Variants in CFAP65 observed in about 807,000 individuals in gnomAD.
The protein encoded by CFAP65 is cilia and flagella associated protein 65.
Under a neutral mutation model 208.0 loss-of-function variants are expected in CFAP65, and 155 were observed. That is an observed-to-expected ratio of 0.75 (90% CI 0.65 to 0.85). The LOEUF (loss-of-function observed/expected upper bound fraction) is 0.85. CFAP65 is among the 40% of genes least tolerant of loss of function. CFAP65 has a pLI of 0.00. For missense variants in CFAP65, 2,294 were observed against 2,451.3 expected, an observed-to-expected ratio of 0.94 and a Z score of 1.36; for synonymous variants, 970 against 986.3, an observed-to-expected ratio of 0.98 and a Z score of 0.31.
Position 219,019,160 on chromosome 2 carries a change from C to T in CFAP65, c.3493G>A (p.Val1165Ile), listed in dbSNP as rs189561241. 431 of 1,613,116 alleles carry T rather than the reference C, an allele frequency of 2.7e-4. 4 individuals are homozygous for T. The East Asian group carries it at 5.6e-3, about 21-fold the overall frequency. Reference sequence around the variant, plus strand: ...AAGTCAAGCCTTAAAGGGGTGAGGACGGGGGGGATCTGGCTCATGCTGTGA... The same window carrying T: ...AAGTCAAGCCTTAAAGGGGTGAGGATGGGGGGGATCTGGCTCATGCTGTGA... ...TRHSMSQIPPVLTPLRLDFNF... is the reference protein window; with the variant it reads ...TRHSMSQIPPILTPLRLDFNF... The change falls in exon 21 of 35, where the codon GTC becomes ATC. Residue 1165 changes from valine (V) to isoleucine (I), a missense_variant. Physicochemically the swap from Val to Ile is conservative, Grantham distance 29 (BLOSUM62 3). This residue lies in a region of CFAP65 where 1,427 missense variants were observed against 1,438.7 expected (regional missense o/e 0.99). Transcript: ENST00000341552.
Position 219,013,284 on chromosome 2 carries a change from A to G in CFAP65, c.3932T>C (p.Ile1311Thr), listed in dbSNP as rs762977056. ...STTHQFIPIP[I>T]GDTLPPRQIY... Reference sequence around the variant, plus strand: ...CTGCCGTGGGGGTAGCGTGTCACCAATGGGAATGGGGATGAACTGGTGGGT... The same window carrying G: ...CTGCCGTGGGGGTAGCGTGTCACCAGTGGGAATGGGGATGAACTGGTGGGT... Residue 1311 changes from isoleucine to threonine, a missense_variant, in exon 24 of 35, where the codon ATT becomes ACT. Physicochemically the swap from Ile to Thr is moderately conservative, Grantham distance 89. Around this residue, in one of 2 missense-constraint regions of CFAP65, gnomAD observed 1,427 missense variants for 1,438.7 expected, o/e 0.99. Coordinates refer to ENST00000341552, the MANE Select transcript of CFAP65 (RefSeq NM_194302.4). 17 of 1,613,638 alleles carry G rather than the reference A, an allele frequency of 1.1e-5. No homozygotes were observed. Among genetic ancestry groups the G allele is most frequent in the Admixed American group, 8.3e-5 (5 of 59,974 alleles).
chr2:219,035,500 T>C lies in CFAP65; in HGVS notation c.522A>G (p.Lys174=). 6.2e-7 allele frequency: 1 copy of C among 1,613,610 alleles called. No individual in the cohort carries two copies. Among genetic ancestry groups the C allele is most frequent in the Non-Finnish European group, 8.5e-7 (1 of 1,179,902 alleles). The part of the protein sequence containing the change: ...RNLVLKNRSL[K]LQKMKYRPPK... ...GGTACCTGTACTTCATCTTCTGGAG[T>C]TTCAAGGATCGATTTTTCAGAACCA... is the stretch of plus-strand genomic sequence containing the variant. Residue 174 remains lysine (K), a synonymous_variant, in exon 5 of 35, where the codon AAA becomes AAG. Coordinates refer to ENST00000341552, the MANE Select transcript of CFAP65 (RefSeq NM_194302.4).
intron 29 of CFAP65, among the ~76,000 whole-genome samples, chr2:219,008,225 C>T (rs971512761): frequency 6.6e-6 from 1 of 152,230 alleles, no homozygotes; most frequent in African/African-American, 2.4e-5. Context: ...GCTTCAACAA[C>T]TAGCACCTCA....
At position 219,006,010 on chromosome 2, in the gene CFAP65, C is replaced by T. The variant is rs2106058234; in HGVS notation, c.4922+11G>A. 1.2e-6 allele frequency: 2 copies of T among 1,612,798 alleles called. No individual in the cohort carries two copies. Among genetic ancestry groups the T allele is most frequent in the South Asian group, 1.1e-5 (1 of 90,984 alleles). On this transcript the variant is annotated intron_variant, in intron 31 of 34. Transcript: ENST00000341552. ...AAGAGGAAGGTGACCCCTGCCTTCC[C>T]AAGAGCTTACCGGTGCAAAAAGTGG...
chr2:219,005,285 C>T lies in CFAP65; in HGVS notation c.5051+149G>A, dbSNP rs1252597789. 6 of 1,106,090 alleles carry T rather than the reference C, an allele frequency of 5.4e-6. No individual in the cohort carries two copies. In the African/African-American group the frequency reaches 7.8e-5, roughly 14 times the overall value. 68.5% of individuals were successfully genotyped at this position (1,106,090 alleles called of 1,614,324 possible). Reference sequence around the variant, plus strand: ...AAGCCACCCGCCCACTGCTGCCTCCCAAAGTGTTGGAATTACAGGCAAGAA... The same window carrying T: ...AAGCCACCCGCCCACTGCTGCCTCCTAAAGTGTTGGAATTACAGGCAAGAA... On this transcript the variant is annotated intron_variant, in intron 32 of 34. Coordinates refer to ENST00000341552, the MANE Select transcript of CFAP65 (RefSeq NM_194302.4).
At chr2:219,015,917 T>G (rs1946848084) in intron 21 of CFAP65, among the ~76,000 whole-genome samples, 1 of 152,190 alleles carries the variant, frequency 6.6e-6, no homozygotes, top group African/African-American at 2.4e-5. Context: ...ATTGATATAA[T>G]GCTGAGTGAA....
intron 9 of CFAP65, 102 bp from the exon 10 acceptor site, chr2:219,030,310 G>A: frequency 2.5e-6 from 3 of 1,213,832 alleles, no homozygotes; most frequent in East Asian, 2.3e-5. Flanking sequence ...CAAGGGGGTG[G>A]GGGCAGCTGG....
rs1947946991 is a variant in CFAP65, at chr2:219,030,565, G to A, written c.1161+124C>T. ...GGACACACCTGTTGACAGCTGACAT[G>A]GGTTACATGAGGCTTGGGGCCAAAG... On this transcript the variant is annotated intron_variant, in intron 9 of 34. Transcript: ENST00000341552. The A allele has an allele frequency of 1.3e-5, 17 of 1,295,266 alleles. No homozygotes were observed. In the South Asian group the frequency reaches 2.1e-4, roughly 16 times the overall value. 80.2% of individuals were successfully genotyped at this position (1,295,266 alleles called of 1,614,324 possible).
chr2:219,031,785 G>C lies in CFAP65; in HGVS notation c.646-127C>G. 2.8e-6 allele frequency: 3 copies of C among 1,070,640 alleles called. No homozygotes were observed. Among genetic ancestry groups the C allele is most frequent in the Non-Finnish European group, 4.0e-6 (3 of 745,210 alleles). 66.3% of individuals were successfully genotyped at this position (1,070,640 alleles called of 1,614,324 possible). On this transcript the variant is annotated intron_variant, in intron 6 of 34. Transcript: ENST00000341552. The surrounding 1 kb of genome is among the most constrained non-coding windows in gnomAD (Gnocchi z 5.2). ...GGGCCAGGCCGTGGCACCCACGTCAGACTCTGAGGGGAGCTGGGCACCTAT... is the reference window on the plus strand; with the variant it reads ...GGGCCAGGCCGTGGCACCCACGTCACACTCTGAGGGGAGCTGGGCACCTAT...
intron 4 of CFAP65, among the ~76,000 whole-genome samples, chr2:219,037,596 A>T (rs1178253399): frequency 6.6e-6 from 1 of 152,158 alleles, no homozygotes; most frequent in African/African-American, 2.4e-5. Context: ...CACTGTGTAC[A>T]ACAGAGAGAG....
At chr2:219,021,629 T>C in intron 18 of CFAP65, 151 bp downstream of exon 18, 4 of 893,668 alleles carry the variant, frequency 4.5e-6, no homozygotes, top group Non-Finnish European at 6.9e-6. Flanking sequence ...CACTGCAGCG[T>C]GGAACTCCTG....
rs1947606554 is a variant in CFAP65, at chr2:219,026,011, G to A, written c.2349+11C>T. The A allele has an allele frequency of 1.2e-6, 2 of 1,612,686 alleles. No individual in the cohort carries two copies. Among genetic ancestry groups the A allele is most frequent in the African/African-American group, 1.3e-5 (1 of 74,904 alleles). On this transcript the variant is annotated intron_variant, in intron 14 of 34. Transcript: ENST00000341552. ...CTGTCTCCCTCCCACTGCTGTTGGG[G>A]CCACGCTTACCTTGGGGACATCTAG... is the stretch of plus-strand genomic sequence containing the variant.
At chr2:219,038,234 G>A (rs2106273675) in intron 4 of CFAP65, 141 bp downstream of exon 4, 1 of 713,090 alleles carries the variant, frequency 1.4e-6, no homozygotes, top group East Asian at 2.7e-5. Flanking sequence ...AAGGTGACAA[G>A]GAAAGTCTAG....
Position 219,003,374 on chromosome 2 carries a change from T to C in CFAP65, c.5556-102A>G. The stretch of plus-strand genomic sequence containing the variant: ...ATTGTGCCGCGAGCTCTACGGAGAT[T>C]CCCATTCGACTCCCCTCATCCACTA... On this transcript the variant is annotated intron_variant, in intron 33 of 34. Coordinates refer to ENST00000341552, the MANE Select transcript of CFAP65 (RefSeq NM_194302.4). This position sits in a 1 kb window ranked among gnomAD's most constrained non-coding sequence, Gnocchi z 4.4. 7.2e-7 allele frequency: 1 copy of C among 1,385,770 alleles called. No individual in the cohort carries two copies. Among genetic ancestry groups the C allele is most frequent in the Non-Finnish European group, 9.5e-7 (1 of 1,053,506 alleles). The allele number at this position is 1,385,770 out of a possible 1,614,324, so 85.8% of individuals were successfully genotyped here. A position where few individuals can be genotyped will look rare whatever the true frequency, so the allele number is the denominator to read the frequency against.
At chr2:219,024,485 G>A (rs1947498043) in intron 14 of CFAP65, among the ~76,000 whole-genome samples, 1 of 99,112 alleles carries the variant, frequency 1.0e-5, no homozygotes, top group East Asian at 3.4e-4. Context: ...CGGGGGGGGG[G>A]CAGGGGGGCG....
rs569350904 is a variant in CFAP65, at chr2:219,031,241, G to A, written c.880C>T (p.Leu294Phe). Residue 294 changes from leucine (L) to phenylalanine (F), a missense_variant, in exon 8 of 35, where the codon CTC (leucine) becomes TTC (phenylalanine). Leu to Phe is a conservative substitution (Grantham distance 22). Coordinates refer to ENST00000341552, the MANE Select transcript of CFAP65 (RefSeq NM_194302.4). This position sits in a 1 kb window ranked among gnomAD's most constrained non-coding sequence, Gnocchi z 5.2. ...TGAGAGGCCTGGCCTGGCTCCAGGA[G>A]CCCCGTGGCGGGCAGCATCTGGAAT... Reference protein sequence around the residue: ...SPFQMLPATGLLEPGQASQIK... With the variant: ...SPFQMLPATGFLEPGQASQIK... 1.2e-6 allele frequency: 2 copies of A among 1,613,770 alleles called. No individual in the cohort carries two copies. The highest frequency in any genetic ancestry group is 1.1e-5 in the South Asian group (1 of 90,996).
intron 5 of CFAP65, chr2:219,034,065 G>A (rs920708078): frequency 1.3e-5 from 2 of 152,154 alleles, no homozygotes; most frequent in Admixed American, 6.5e-5. Flanking sequence ...TGTGCTAAAT[G>A]TCTATGGAGA....
Position 219,035,608 on chromosome 2 carries a change from G to A in CFAP65, c.414C>T (p.Asn138=). The change falls in exon 5 of 35, where the codon AAC becomes AAT. Residue 138 remains asparagine, a synonymous_variant. Coordinates refer to ENST00000341552, the MANE Select transcript of CFAP65 (RefSeq NM_194302.4). ...MHSPKKQERV[N]KRVIWGIEVA... Reference sequence around the variant, plus strand: ...CCTCAATGCCCCAGATGACCCTCTTGTTCACTCTCTCCTGCTTCTTTGGGG... The same window carrying A: ...CCTCAATGCCCCAGATGACCCTCTTATTCACTCTCTCCTGCTTCTTTGGGG... The A allele has an allele frequency of 1.2e-6, 2 of 1,613,954 alleles. No individual in the cohort carries two copies. The highest frequency in any genetic ancestry group is 8.5e-7 in the Non-Finnish European group (1 of 1,179,996).
In CFAP65 at chr2:219,039,034, G is replaced by T. The variant is rs201461858; in HGVS notation, c.15C>A (p.Thr5=). The part of the protein sequence containing the change: MFTL[T]GCRLVEKTQK... ...GGGTTTTCTCCACCAGTCTACAACC[G>T]GTTAAGGTAAACATCACTGAAATAA... Residue 5 remains threonine (T), a synonymous_variant, in exon 3 of 35, where the codon ACC becomes ACA. Coordinates refer to ENST00000341552, the MANE Select transcript of CFAP65 (RefSeq NM_194302.4). 19 of 1,606,684 alleles carry T rather than the reference G, an allele frequency of 1.2e-5. No homozygotes were observed. Among genetic ancestry groups the T allele is most frequent in the Non-Finnish European group, 1.6e-5 (19 of 1,176,460 alleles).
Sources: allele counts gnomAD v4.1 joint callset (sites outside exome capture counted in the v4.1 genomes callset), GRCh38; gene constraint gnomAD v4.1.1; regional missense constraint gnomAD v4.1.1; non-coding constraint Gnocchi (gnomAD v3.1); transcripts MANE v1.5; gene names NCBI Gene and HGNC (gene_info 2026-07-23, HGNC 2026-07-21).